Variants in THSD7B observed in about 807,000 individuals in gnomAD.
The protein encoded by THSD7B is thrombospondin type 1 domain containing 7B, also known as thrombospondin type-1 domain-containing protein 7B.
THSD7B carries 138 observed loss-of-function variants against 213.6 expected under a neutral mutation model. That is an observed-to-expected ratio of 0.65 (90% CI 0.56 to 0.74). The LOEUF (loss-of-function observed/expected upper bound fraction) is 0.74. Among genes scored for constraint, THSD7B ranks in the 30% least tolerant of loss-of-function variants. The pLI is 0.00. For missense variants in THSD7B, 1,931 were observed against 1,991.5 expected, an observed-to-expected ratio of 0.97 and a Z score of 0.58; for synonymous variants, 742 against 687.0, an observed-to-expected ratio of 1.08 and a Z score of -1.25.
chr2:137,530,783 A>T (rs1410136636), intron 15 of THSD7B, among the ~76,000 whole-genome samples: 5 of 152,048 alleles, frequency 3.3e-5, no homozygotes, highest in African/African-American at 1.2e-4. Context: ...ACTAAAGCAT[A>T]TGCAAACAAG....
intron 2 of THSD7B, among the ~76,000 whole-genome samples, chr2:136,992,744 C>T (rs2104817010): frequency 6.6e-6 from 1 of 152,314 alleles, no homozygotes; most frequent in East Asian, 1.9e-4. Flanking sequence ...CACAGTAGCA[C>T]ATCTTGGCAA....
intron 2 of THSD7B, among the ~76,000 whole-genome samples, chr2:136,904,265 G>A (rs924101373): frequency 1.1e-4 from 17 of 152,130 alleles, no homozygotes; most frequent in Admixed American, 2.6e-4. Flanking sequence ...CCTGGGATAA[G>A]CCTGGGCAGT....
At chr2:136,994,523 C>T (rs1050510138) in intron 2 of THSD7B, among the ~76,000 whole-genome samples, 1 of 152,118 alleles carries the variant, frequency 6.6e-6, no homozygotes, top group African/African-American at 2.4e-5. Flanking sequence ...GCTGAGATCG[C>T]ACCACTGCAC....
chr2:137,483,819 C>T (rs189393292), intron 15 of THSD7B, among the ~76,000 whole-genome samples: 2 of 152,012 alleles, frequency 1.3e-5, no homozygotes, highest in Non-Finnish European at 1.5e-5. Context: ...CTGGTTATAA[C>T]CTTACGAATC....
chr2:136,816,828 T>C (rs1370676558), intron 1 of THSD7B, among the ~76,000 whole-genome samples: 1 of 152,220 alleles, frequency 6.6e-6, no homozygotes, highest in Non-Finnish European at 1.5e-5. Context: ...ACACGAAGAT[T>C]GAATTATCTG....
At chr2:137,530,187 C>T (rs749831136) in intron 15 of THSD7B, among the ~76,000 whole-genome samples, 2 of 151,968 alleles carry the variant, frequency 1.3e-5, no homozygotes, top group Admixed American at 6.6e-5. Context: ...CTAAGCAATA[C>T]GTAGAGAAGC....
chr2:137,282,551 G>C, intron 12 of THSD7B, among the ~76,000 whole-genome samples: 1 of 152,154 alleles, frequency 6.6e-6, no homozygotes, highest in Non-Finnish European at 1.5e-5. Context: ...TAACATTTAA[G>C]TCTTTAATCA....
At chr2:136,913,417 G>A (rs993637346) in intron 2 of THSD7B, among the ~76,000 whole-genome samples, 1 of 152,262 alleles carries the variant, frequency 6.6e-6, no homozygotes, top group Non-Finnish European at 1.5e-5. Flanking sequence ...CAAGCCAGCT[G>A]CAGAAACTTA....
At chr2:137,180,762 G>A (rs1470993494) in intron 7 of THSD7B, among the ~76,000 whole-genome samples, 2 of 152,160 alleles carry the variant, frequency 1.3e-5, no homozygotes, top group African/African-American at 4.8e-5. Flanking sequence ...ATGAATCTTG[G>A]TAAATGCATG....
At chr2:137,583,196 T>C (rs1489695140) in intron 17 of THSD7B, among the ~76,000 whole-genome samples, 9 of 152,222 alleles carry the variant, frequency 5.9e-5, no homozygotes, top group Non-Finnish European at 4.4e-5. Flanking sequence ...TTGTTTTTTT[T>C]CTTGTAAATT....
chr2:137,031,490 G>A (rs1055442933), intron 2 of THSD7B, among the ~76,000 whole-genome samples: 2 of 152,162 alleles, frequency 1.3e-5, no homozygotes, highest in African/African-American at 4.8e-5. Context: ...GACAGGGATG[G>A]AACCAGACTG....
At chr2:137,159,475 T>G (rs550937848) in intron 5 of THSD7B, among the ~76,000 whole-genome samples, 6 of 148,312 alleles carry the variant, frequency 4.0e-5, no homozygotes, top group South Asian at 4.3e-4. Context: ...GAGCAAAAAA[T>G]AAAAAGAAAA....
chr2:137,438,305 A>G (rs927463687), intron 14 of THSD7B, among the ~76,000 whole-genome samples: 15 of 152,170 alleles, frequency 9.9e-5, no homozygotes, highest in African/African-American at 3.4e-4. Flanking sequence ...TAATAGAAAC[A>G]GCAAATTTTC....
At chr2:137,207,695 A>C (rs1323841058) in intron 7 of THSD7B, among the ~76,000 whole-genome samples, 1 of 152,044 alleles carries the variant, frequency 6.6e-6, no homozygotes, top group African/African-American at 2.4e-5. Context: ...CACTTAAGTG[A>C]ATATTGGGCA....
chr2:137,154,669 G>A (rs1679880202), intron 5 of THSD7B, among the ~76,000 whole-genome samples: 1 of 152,004 alleles, frequency 6.6e-6, no homozygotes, highest in African/African-American at 2.4e-5. Context: ...TTAGTTTGGA[G>A]TAGAGTTTGA....
intron 5 of THSD7B, 92 bp from the exon 6 acceptor site, chr2:137,160,121 T>G: frequency 7.2e-7 from 1 of 1,383,200 alleles, no homozygotes; most frequent in South Asian, 1.6e-5. Flanking sequence ...CTATAATGTT[T>G]TATTTGCAAG....
chr2:137,197,708 C>T (rs1680793268), intron 7 of THSD7B, among the ~76,000 whole-genome samples: 1 of 152,134 alleles, frequency 6.6e-6, no homozygotes, highest in Admixed American at 6.5e-5. Flanking sequence ...TTCTTGGGTT[C>T]TGTGTGTTTA....
At chr2:137,503,992 A>C (rs1195885958) in intron 15 of THSD7B, among the ~76,000 whole-genome samples, 1 of 149,920 alleles carries the variant, frequency 6.7e-6, no homozygotes, top group Non-Finnish European at 1.5e-5. Flanking sequence ...ATGCCAGTGC[A>C]CTCCAGCCTG....
intron 1 of THSD7B, among the ~76,000 whole-genome samples, chr2:136,841,768 C>T (rs947955511): frequency 2.6e-5 from 4 of 152,084 alleles, no homozygotes; most frequent in Non-Finnish European, 5.9e-5. Context: ...TACAAGAATA[C>T]ACAGCTGGGT....
Sources: gnomAD v4.1 joint callset for allele counts (sites outside exome capture counted in the v4.1 genomes callset) on GRCh38, gnomAD v4.1.1 for gene constraint, MANE v1.5 for transcripts, NCBI Gene and HGNC (gene_info 2026-07-23, HGNC 2026-07-21) for gene names.